PDE8A: variants seen among roughly 807,000 people sequenced by gnomAD.
PDE8A encodes phosphodiesterase 8A, also known as high affinity cAMP-specific and IBMX-insensitive 3',5'-cyclic phosphodiesterase 8A.
A neutral mutation model predicts 105.0 loss-of-function variants in PDE8A; 59 were observed. The observed-to-expected ratio is 0.56, with a 90% CI of 0.46 to 0.70. The LOEUF (loss-of-function observed/expected upper bound fraction) is 0.70. Among genes scored for constraint, PDE8A ranks in the 30% least tolerant of loss-of-function variants. The pLI is 0.00. For missense variants in PDE8A, 1,014 were observed against 1,045.9 expected, an observed-to-expected ratio of 0.97 and a Z score of 0.42; for synonymous variants, 355 against 371.9, an observed-to-expected ratio of 0.95 and a Z score of 0.52.
intron 5 of PDE8A, among the ~76,000 whole-genome samples, chr15:85,078,548 C>CAAAAAAAAAAAAAA (rs72174562): frequency 7.4e-5 from 7 of 94,358 alleles, no homozygotes; most frequent in Non-Finnish European, 1.3e-4. Flanking sequence ...TACTCCATCT[C>CAAAAAAAAAAAAAA]AAAAAAAAAA....
intron 6 of PDE8A, among the ~76,000 whole-genome samples, chr15:85,088,205 A>G (rs1444834771): frequency 1.3e-5 from 2 of 152,066 alleles, no homozygotes; most frequent in African/African-American, 2.4e-5. Context: ...TTGTATTTTT[A>G]GTAGAGACGG....
upstream of PDE8A, chr15:84,981,853 A>C: frequency 1.1e-5 from 2 of 186,492 alleles, no homozygotes; most frequent in Non-Finnish European, 1.1e-5. Context: ...TTTCCCCGGA[A>C]GCGCGGCCGA....
chr15:85,100,610 C>CT (rs1333266317), intron 11 of PDE8A, among the ~76,000 whole-genome samples: 1 of 152,244 alleles, frequency 6.6e-6, no homozygotes, highest in East Asian at 1.9e-4. Flanking sequence ...TGCCTCACCT[C>CT]TATGTTTCTT....
chr15:85,047,548 C>T (rs1277919330), intron 1 of PDE8A, among the ~76,000 whole-genome samples: 1 of 152,096 alleles, frequency 6.6e-6, no homozygotes, highest in Non-Finnish European at 1.5e-5. Context: ...AAAGGAATTG[C>T]TGAAACATGA....
chr15:85,076,872 T>C (rs1395878558), intron 5 of PDE8A, 85 bp downstream of exon 5: 1 of 941,178 alleles, frequency 1.1e-6, no homozygotes, highest in Non-Finnish European at 1.7e-6. Flanking sequence ...AAAAGCTTTG[T>C]ATTAATTTGA....
At chr15:85,113,752 T>G (rs922709798) in intron 13 of PDE8A, 121 bp from the exon 14 acceptor site, 4 of 745,734 alleles carry the variant, frequency 5.4e-6, no homozygotes, top group African/African-American at 5.3e-5. Context: ...ACTCCTGGGC[T>G]CAAGTAATTC....
chr15:85,105,006 A>G (rs1243291507), intron 11 of PDE8A, among the ~76,000 whole-genome samples: 1 of 152,094 alleles, frequency 6.6e-6, no homozygotes, highest in Non-Finnish European at 1.5e-5. Context: ...ACAGTATATC[A>G]GATGGTGCTA....
At chr15:85,042,773 G>C (rs932890831) in intron 1 of PDE8A, among the ~76,000 whole-genome samples, 1 of 152,176 alleles carries the variant, frequency 6.6e-6, no homozygotes, top group South Asian at 2.1e-4. Flanking sequence ...ACTGCACAGA[G>C]TGCTTCATAT....
At chr15:85,020,212 T>C (rs1225144785) in intron 1 of PDE8A, among the ~76,000 whole-genome samples, 1 of 152,218 alleles carries the variant, frequency 6.6e-6, no homozygotes, top group Non-Finnish European at 1.5e-5. Flanking sequence ...TTATGTGATC[T>C]GTCTGCCAAA....
rs2082096035 is a variant in PDE8A at position 85,116,259 on chromosome 15, G to A, written c.1535+140G>A. ...CTAAGGAAGGAGTAACAGGGCACCA[G>A]GTGGCTCTGAGTCACCAGGGCCTGG... On this transcript the variant is annotated intron_variant, in intron 16 of 21. Coordinates refer to ENST00000394553, the MANE Select transcript of PDE8A (RefSeq NM_002605.3). 4 of 762,218 alleles carry A rather than the reference G, an allele frequency of 5.2e-6. No individual in the cohort carries two copies. In the South Asian group the frequency reaches 7.9e-5, roughly 15 times the overall value. 47.2% of individuals were successfully genotyped at this position (762,218 alleles called of 1,614,324 possible).
intron 3 of PDE8A, among the ~76,000 whole-genome samples, chr15:85,069,888 G>A (rs143375912): frequency 4.6e-5 from 7 of 152,146 alleles, no homozygotes; most frequent in Admixed American, 2.0e-4. Flanking sequence ...TGTGCTAATC[G>A]TAGTGAGTTT....
chr15:85,028,198 A>G (rs1383033682), intron 1 of PDE8A, among the ~76,000 whole-genome samples: 1 of 152,200 alleles, frequency 6.6e-6, no homozygotes, highest in Non-Finnish European at 1.5e-5. Context: ...GCTAAATCAC[A>G]GAGCATGAAC....
At chr15:85,071,814 G>A (rs780413158) in intron 3 of PDE8A, among the ~76,000 whole-genome samples, 46 of 152,310 alleles carry the variant, frequency 3.0e-4, no homozygotes, top group African/African-American at 1.1e-3. Context: ...GAGAAGGGGG[G>A]CCTGTGAAAA....
At position 85,137,958 on chromosome 15, in the gene PDE8A, C is replaced by A; in HGVS notation, c.*55C>A. The A allele has an allele frequency of 8.9e-7, 1 of 1,117,336 alleles. No individual in the cohort carries two copies. Among genetic ancestry groups the A allele is most frequent in the Non-Finnish European group, 1.4e-6 (1 of 735,684 alleles). The allele number at this position is 1,117,336 out of a possible 1,614,324, so 69.2% of individuals were successfully genotyped here. A position where few individuals can be genotyped will look rare whatever the true frequency, so the allele number is the denominator to read the frequency against. On this transcript the variant is annotated 3_prime_UTR_variant, in exon 22 of 22. Coordinates refer to ENST00000394553, the MANE Select transcript of PDE8A (RefSeq NM_002605.3). Reference sequence around the variant, plus strand: ...TTGTTCCTTCGGTCATTTGGAATTCCTGAGGGCAGCCAGAGCTCCTTGGTC... The same window carrying A: ...TTGTTCCTTCGGTCATTTGGAATTCATGAGGGCAGCCAGAGCTCCTTGGTC...
At chr15:85,014,393 A>G (rs2080290017) in intron 1 of PDE8A, among the ~76,000 whole-genome samples, 1 of 152,130 alleles carries the variant, frequency 6.6e-6, no homozygotes, top group South Asian at 2.1e-4. Context: ...TTTTTCATTT[A>G]ATACTGAATA....
At chr15:85,132,323 CATAAG>C (rs2082341275) in intron 20 of PDE8A, among the ~76,000 whole-genome samples, 3 of 152,288 alleles carry the variant, frequency 2.0e-5, no homozygotes, top group Admixed American at 2.0e-4. Flanking sequence ...TTGCTGAACT[CATAAG>C]ATGTGTATTG....
intron 1 of PDE8A, among the ~76,000 whole-genome samples, chr15:85,040,386 A>AAAAAG (rs1222862830): frequency 4.0e-5 from 6 of 150,424 alleles, no homozygotes; most frequent in South Asian, 4.2e-4. Flanking sequence ...AAAAAAAAAA[A>AAAAAG]AAAAGAAAAG....
chr15:85,052,740 T>C (rs1387171563), intron 1 of PDE8A, among the ~76,000 whole-genome samples: 17 of 152,154 alleles, frequency 1.1e-4, no homozygotes, highest in African/African-American at 4.1e-4. Context: ...GTCAGATGGG[T>C]AGATTGTAAA....
intron 1 of PDE8A, chr15:85,063,941 T>A: frequency 6.3e-6 from 1 of 158,640 alleles, no homozygotes; most frequent in Non-Finnish European, 1.4e-5. Flanking sequence ...CATGTGCCAT[T>A]TGGGTGTAAG....
Sources: allele counts gnomAD v4.1 joint callset (sites outside exome capture counted in the v4.1 genomes callset), GRCh38; gene constraint gnomAD v4.1.1; transcripts MANE v1.5; gene names NCBI Gene and HGNC (gene_info 2026-07-23, HGNC 2026-07-21).